The following PDIA5 variants were observed in gnomAD, a reference collection of about 807,000 sequenced individuals.
PDIA5 encodes the protein protein disulfide-isomerase A5.
A neutral mutation model predicts 77.6 loss-of-function variants in PDIA5; 58 were observed. The ratio of observed to expected loss-of-function variants is 0.75; its 90% CI spans 0.61 to 0.93. PDIA5 has a LOEUF of 0.93. Among genes scored for constraint, PDIA5 ranks in the 40% least tolerant of loss-of-function variants. The pLI, the probability that PDIA5 is intolerant of heterozygous loss-of-function variation, is 0.00. For synonymous variants in PDIA5, 250 were observed against 252.1 expected, an observed-to-expected ratio of 0.99 and a Z score of 0.08; for missense variants, 630 against 647.7, an observed-to-expected ratio of 0.97 and a Z score of 0.30.
At chr3:123,074,494 C>T (rs1478705368) in intron 1 of PDIA5, among the ~76,000 whole-genome samples, 1 of 149,384 alleles carries the variant, frequency 6.7e-6, no homozygotes, top group Non-Finnish European at 1.5e-5. Context: ...ATACAGTTAT[C>T]AAAATATAAC....
At chr3:123,134,850 C>T (rs891329005) in intron 11 of PDIA5, among the ~76,000 whole-genome samples, 5 of 152,208 alleles carry the variant, frequency 3.3e-5, no homozygotes. Context: ...CTGGGCAGGA[C>T]AGGCCGAGTG....
chr3:123,105,789 G>A (rs1417909080), intron 5 of PDIA5, among the ~76,000 whole-genome samples: 1 of 151,886 alleles, frequency 6.6e-6, no homozygotes, highest in East Asian at 1.9e-4. Context: ...GCATCTGCTC[G>A]CTGGAGCGTG....
At position 123,094,974 on chromosome 3, in the gene PDIA5, G is replaced by C. The variant is rs562139461; in HGVS notation, c.257+2532G>C. 9.0e-4 allele frequency among the ~76,000 whole-genome samples: 137 copies of C among 152,168 alleles called. 1 individual carries two copies. The highest frequency in any genetic ancestry group is 1.2e-3 in the Admixed American group (19 of 15,276). ...AGGTGAGGGGAACAGGGAGCATCTGGGGTGAGAGAAGAAGCTGCTCCAGTG... is the reference window on the plus strand; with the variant it reads ...AGGTGAGGGGAACAGGGAGCATCTGCGGTGAGAGAAGAAGCTGCTCCAGTG... On this transcript the variant is annotated intron_variant, in intron 3 of 16. Coordinates refer to ENST00000316218, the MANE Select transcript of PDIA5 (RefSeq NM_006810.4).
chr3:123,072,967 C>T (rs570666690), intron 1 of PDIA5, among the ~76,000 whole-genome samples: 1 of 131,946 alleles, frequency 7.6e-6, no homozygotes, highest in Admixed American at 8.2e-5. Flanking sequence ...GTTTTTAACA[C>T]CTGGCATCTT....
At chr3:123,130,450 T>C (rs1935345317) in intron 10 of PDIA5, 30 bp from the exon 11 acceptor site, 1 of 1,606,366 alleles carries the variant, frequency 6.2e-7, no homozygotes, top group Non-Finnish European at 8.5e-7. Context: ...CAGGGCCTGC[T>C]CTGAGCTCTG....
intron 14 of PDIA5, 144 bp downstream of exon 14, chr3:123,150,508 A>G: frequency 4.2e-6 from 3 of 717,390 alleles, no homozygotes; most frequent in Middle Eastern, 3.7e-4. Context: ...AGGCTCTCCA[A>G]TTTTATTCCA....
chr3:123,141,589 G>A (rs955867469), intron 11 of PDIA5, among the ~76,000 whole-genome samples: 1 of 152,198 alleles, frequency 6.6e-6, no homozygotes, highest in African/African-American at 2.4e-5. Context: ...GTCAGGGGAG[G>A]TCAGCCTGAA....
intron 10 of PDIA5, among the ~76,000 whole-genome samples, chr3:123,124,986 C>T (rs1197716572): frequency 6.6e-6 from 1 of 152,148 alleles, no homozygotes; most frequent in African/African-American, 2.4e-5. Context: ...CTTGTAATGC[C>T]AAACCCCACC....
rs192148266 is a variant in PDIA5, at chr3:123,081,376, T to C, written c.43-7792T>C. On this transcript the variant is annotated intron_variant, in intron 1 of 16. Coordinates refer to ENST00000316218, the MANE Select transcript of PDIA5 (RefSeq NM_006810.4). The stretch of plus-strand genomic sequence containing the variant: ...TTCTGACTCCAAGTACGGTGTTCTT[T>C]CCGCCAAACCACCAGCTCTAAATTC... Among the ~76,000 whole-genome samples the C allele has an allele frequency of 4.0e-3, 607 of 152,338 alleles. 3 individuals are homozygous for C. Among genetic ancestry groups the C allele is most frequent in the Non-Finnish European group, 6.8e-3 (462 of 68,024 alleles).
chr3:123,076,635 T>A (rs1933866012), intron 1 of PDIA5, among the ~76,000 whole-genome samples: 1 of 152,174 alleles, frequency 6.6e-6, no homozygotes, highest in African/African-American at 2.4e-5. Context: ...ACACCGTGGG[T>A]CATGAACACT....
chr3:123,121,520 C>T (rs1206607671), intron 8 of PDIA5, among the ~76,000 whole-genome samples: 2 of 152,212 alleles, frequency 1.3e-5, no homozygotes, highest in Non-Finnish European at 2.9e-5. Context: ...CCCAAAATGG[C>T]ACAAAAGTGC....
At chr3:123,139,031 G>T (rs548340965) in intron 11 of PDIA5, among the ~76,000 whole-genome samples, 1 of 152,208 alleles carries the variant, frequency 6.6e-6, no homozygotes, top group South Asian at 2.1e-4. Flanking sequence ...TTGACAGGAA[G>T]CCAACATTCC....
intron 14 of PDIA5, among the ~76,000 whole-genome samples, chr3:123,151,887 GCCTTCCTT>G (rs1252249127): frequency 1.6e-4 from 19 of 120,820 alleles, no homozygotes; most frequent in African/African-American, 4.9e-4. Context: ...CTTCCTGCCT[GCCTTCCTT>G]CCTGCCTGCC....
At position 123,145,552 on chromosome 3, in the gene PDIA5, A is replaced by C; in HGVS notation, c.941A>C (p.Glu314Ala). ...GGCCACTGTAAGAAAATGAAGCCGG[A>C]GTTTGAGAAGGCAGCAGAAGCCCTC... Reference protein sequence around the residue: ...WCGHCKKMKPEFEKAAEALHG... With the variant: ...WCGHCKKMKPAFEKAAEALHG... Residue 314 changes from glutamate (E) to alanine (A), a missense_variant, in exon 12 of 17, where the codon GAG (glutamate) becomes GCG (alanine). Coordinates refer to ENST00000316218, the MANE Select transcript of PDIA5 (RefSeq NM_006810.4). The C allele has an allele frequency of 6.2e-7, 1 of 1,613,990 alleles. No individual in the cohort carries two copies. The highest frequency in any genetic ancestry group is 8.5e-7 in the Non-Finnish European group (1 of 1,179,888).
At chr3:123,137,799 C>T (rs1193809234) in intron 11 of PDIA5, among the ~76,000 whole-genome samples, 1 of 152,232 alleles carries the variant, frequency 6.6e-6, no homozygotes, top group Admixed American at 6.5e-5. Flanking sequence ...AGTCTGCCTT[C>T]TCCCATCCTG....
chr3:123,127,876 G>A (rs1480599698), intron 10 of PDIA5, among the ~76,000 whole-genome samples: 7 of 152,162 alleles, frequency 4.6e-5, no homozygotes, highest in South Asian at 2.1e-4. Flanking sequence ...CCTGTTCAAC[G>A]AGCATGTATT....
At chr3:123,106,041 G>A (rs904139275) in intron 5 of PDIA5, among the ~76,000 whole-genome samples, 2 of 152,194 alleles carry the variant, frequency 1.3e-5, no homozygotes, top group African/African-American at 2.4e-5. Context: ...AAAGGCCAGC[G>A]AAGCCCTTTA....
chr3:123,141,132 A>C (rs1289287069), intron 11 of PDIA5, among the ~76,000 whole-genome samples: 1 of 152,222 alleles, frequency 6.6e-6, no homozygotes, highest in African/African-American at 2.4e-5. Flanking sequence ...CAACAGGGTC[A>C]CTTTAGAAAG....
Position 123,110,902 on chromosome 3 carries a change from GT to G in PDIA5, c.481-41del. The stretch of plus-strand genomic sequence containing the variant: ...GGGGAGGGGGTCTCATCCTGTTACT[GT>G]GTTGTGTGCGAGCTGCTGGTATTCT... On this transcript the variant is annotated intron_variant, in intron 6 of 16. Coordinates refer to ENST00000316218, the MANE Select transcript of PDIA5 (RefSeq NM_006810.4). 3 of 1,528,906 alleles carry G rather than the reference GT, an allele frequency of 2.0e-6. No homozygotes were observed. The South Asian group carries it at 3.4e-5, about 17-fold the overall frequency. 94.7% of individuals were successfully genotyped at this position (1,528,906 alleles called of 1,614,324 possible). A position where few individuals can be genotyped will look rare whatever the true frequency, so the allele number is the denominator to read the frequency against.
Sources: allele counts gnomAD v4.1 joint callset (sites outside exome capture counted in the v4.1 genomes callset), GRCh38; gene constraint gnomAD v4.1.1; transcripts MANE v1.5; gene names NCBI Gene and HGNC (gene_info 2026-07-23, HGNC 2026-07-21).